The following SCARB1 variants were observed in gnomAD, a reference collection of about 807,000 sequenced individuals.
SCARB1 encodes scavenger receptor class B member 1.
A neutral mutation model predicts 57.2 loss-of-function variants in SCARB1; 30 were observed. That is an observed-to-expected ratio of 0.52 (90% CI 0.39 to 0.71). The LOEUF (loss-of-function observed/expected upper bound fraction) is 0.71. Ranked by LOEUF, SCARB1 falls within the 30% of genes least tolerant of loss-of-function variation. The pLI, the probability that SCARB1 is intolerant of heterozygous loss-of-function variation, is 0.00. For synonymous variants in SCARB1, 249 were observed against 268.3 expected, an observed-to-expected ratio of 0.93 and a Z score of 0.70; for missense variants, 543 against 671.2, an observed-to-expected ratio of 0.81 and a Z score of 2.11.
chr12:124,863,499 CG>C, intron 1 of SCARB1, 95 bp downstream of exon 1: 1 of 1,359,836 alleles, frequency 7.4e-7, no homozygotes, highest in Non-Finnish European at 1.0e-6. Context: ...GATTCCGCTG[CG>C]GTCGCCCACC....
At chr12:124,820,141 C>T (rs1950891754) in intron 1 of SCARB1, among the ~76,000 whole-genome samples, 1 of 152,148 alleles carries the variant, frequency 6.6e-6, no homozygotes, top group South Asian at 2.1e-4. Context: ...CTGAGCAGCC[C>T]ATAGGTGCAA....
chr12:124,795,624 G>A (rs941233217), intron 8 of SCARB1, among the ~76,000 whole-genome samples: 2 of 152,214 alleles, frequency 1.3e-5, no homozygotes, highest in African/African-American at 4.8e-5. Context: ...GTTTCCCAAA[G>A]TGCAGAATGG....
At chr12:124,803,105 A>G (rs1950191253) in intron 7 of SCARB1, among the ~76,000 whole-genome samples, 1 of 152,218 alleles carries the variant, frequency 6.6e-6, no homozygotes, top group Admixed American at 6.5e-5. Flanking sequence ...TGCACGGACC[A>G]GAAAAGGAGG....
Position 124,807,801 on chromosome 12 carries a change from G to T in SCARB1, c.969C>A (p.Cys323Ter). ...IYPPNEGFCP[C>*]LESGIQNVST... ...TGACGTTCTGAATTCCAGACTCCAG[G>T]CACGGGCAGAAGCCTTCGTTGGGTG... is the stretch of plus-strand genomic sequence containing the variant. Residue 323 changes from cysteine (C) to a stop codon, truncating the protein, a stop_gained, in exon 7 of 13, where the codon TGC (cysteine) becomes TGA (stop). Coordinates refer to ENST00000261693, the MANE Select transcript of SCARB1 (RefSeq NM_005505.5). LOFTEE classifies it high-confidence loss of function. This position sits in a 1 kb window ranked among gnomAD's most constrained non-coding sequence, Gnocchi z 5.3. 1 of 1,614,142 alleles carries T rather than the reference G, an allele frequency of 6.2e-7. No homozygotes were observed. The highest frequency in any genetic ancestry group is 8.5e-7 in the Non-Finnish European group (1 of 1,180,028).
intron 1 of SCARB1, chr12:124,839,193 C>T: frequency 2.2e-6 from 1 of 455,406 alleles, no homozygotes; most frequent in South Asian, 1.6e-5. Context: ...AAACCCTGTA[C>T]CCACTGAAAA....
intron 1 of SCARB1, among the ~76,000 whole-genome samples, chr12:124,862,911 A>T (rs1205462997): frequency 6.6e-6 from 1 of 152,208 alleles, no homozygotes; most frequent in Non-Finnish European, 1.5e-5. Flanking sequence ...GGCTGCGTGC[A>T]CTCAGAGGAC....
At chr12:124,825,729 A>C (rs1474511016) in intron 1 of SCARB1, among the ~76,000 whole-genome samples, 2 of 152,166 alleles carry the variant, frequency 1.3e-5, no homozygotes, top group Non-Finnish European at 2.9e-5. Context: ...GCTTCTGCAC[A>C]CGGTGGCTGC....
At chr12:124,798,217 C>T (rs1323583503) in intron 8 of SCARB1, among the ~76,000 whole-genome samples, 1 of 152,144 alleles carries the variant, frequency 6.6e-6, no homozygotes, top group Non-Finnish European at 1.5e-5. Context: ...TCCAGACCAG[C>T]TTGGTCAGGA....
At chr12:124,791,482 C>T (rs1051780285) in intron 9 of SCARB1, among the ~76,000 whole-genome samples, 1 of 152,066 alleles carries the variant, frequency 6.6e-6, no homozygotes, top group Non-Finnish European at 1.5e-5. Context: ...TAAAGTGCTT[C>T]GAAAATTACC....
chr12:124,861,893 CAT>C (rs1491507813), intron 1 of SCARB1, among the ~76,000 whole-genome samples: 75 of 151,820 alleles, frequency 4.9e-4, no homozygotes, highest in Non-Finnish European at 8.8e-4. Context: ...CACACACACA[CAT>C]CCTACTGACA....
chr12:124,800,532 C>T lies in SCARB1; in HGVS notation c.1010-290G>A, dbSNP rs191828431. ...AGCCAGGTGAAGGATGCCCGGGAAG[C>T]GCATTCCAGGTGGAAGGGAAGGCAG... is the stretch of plus-strand genomic sequence containing the variant. On this transcript the variant is annotated intron_variant, in intron 7 of 12. Transcript: ENST00000261693. The surrounding 1 kb of genome is among the most constrained non-coding windows in gnomAD (Gnocchi z 4.8). 5.9e-5 allele frequency among the ~76,000 whole-genome samples: 9 copies of T among 152,238 alleles called. No individual in the cohort carries two copies. Among genetic ancestry groups the T allele is most frequent in the Non-Finnish European group, 4.4e-5 (3 of 68,002 alleles).
At position 124,807,872 on chromosome 12, in the gene SCARB1, G is replaced by C; in HGVS notation, c.898C>G (p.Arg300Gly). ...AACAGGGTTTTGGGAGCCACGAAGC[G>C]ATAGGTGGGGATGCCTTCAAACACC... is the stretch of plus-strand genomic sequence containing the variant. ...SGVFEGIPTY[R>G]FVAPKTLFAN... The change falls in exon 7 of 13, where the codon CGC (arginine) becomes GGC (glycine). Residue 300 changes from arginine (R) to glycine (G), a missense_variant. Arg to Gly is a moderately radical substitution (Grantham distance 125, BLOSUM62 -2). Transcript: ENST00000261693. The surrounding 1 kb of genome is among the most constrained non-coding windows in gnomAD (Gnocchi z 5.3). 1 of 1,614,138 alleles carries C rather than the reference G, an allele frequency of 6.2e-7. No individual in the cohort carries two copies. The highest frequency in any genetic ancestry group is 8.5e-7 in the Non-Finnish European group (1 of 1,179,996).
chr12:124,817,855 G>A lies in SCARB1; in HGVS notation c.127-148C>T. The A allele has an allele frequency of 6.1e-6, 5 of 815,804 alleles. No individual in the cohort carries two copies. The highest frequency in any genetic ancestry group is 4.1e-5 in the South Asian group (3 of 72,996). The allele number at this position is 815,804 out of a possible 1,614,324, so 50.5% of individuals were successfully genotyped here. On this transcript the variant is annotated intron_variant, in intron 1 of 12. Coordinates refer to ENST00000261693, the MANE Select transcript of SCARB1 (RefSeq NM_005505.5). The surrounding 1 kb of genome is among the most constrained non-coding windows in gnomAD (Gnocchi z 4.8). ...ATAGGAGGTGGTGGGAAAGCCCTTC[G>A]CACATGAGGCTGTCGCACCTGGAGC...
At chr12:124,793,457 C>G (rs35207646) in intron 9 of SCARB1, among the ~76,000 whole-genome samples, 6,865 of 151,392 alleles carry the variant, frequency 0.045, 269 homozygotes, top group African/African-American at 0.1. Context: ...ACTTTGGGAG[C>G]CCGAGGCGGG....
In SCARB1 at chr12:124,777,851, G is replaced by C. The variant is rs1355456924; in HGVS notation, c.*736C>G. The stretch of plus-strand genomic sequence containing the variant: ...CGGGGGCACAGCCTGCGGCCACTTC[G>C]GCCAGAGAGTGGCCGGCTCAGTCCA... On this transcript the variant is annotated 3_prime_UTR_variant, in exon 13 of 13. Coordinates refer to ENST00000261693, the MANE Select transcript of SCARB1 (RefSeq NM_005505.5). 6.6e-6 allele frequency: 1 copy of C among 152,412 alleles called. No individual in the cohort carries two copies. The highest frequency in any genetic ancestry group is 2.1e-4 in the South Asian group (1 of 4,836). The allele number at this position is 152,412 out of a possible 1,614,324, so 9.4% of individuals were successfully genotyped here.
chr12:124,793,320 C>A (rs1406301366), intron 9 of SCARB1, among the ~76,000 whole-genome samples: 4 of 152,160 alleles, frequency 2.6e-5, no homozygotes, highest in African/African-American at 9.7e-5. Flanking sequence ...TAATCCCTCA[C>A]CAAGTTCTAG....
intron 9 of SCARB1, among the ~76,000 whole-genome samples, chr12:124,792,637 G>A (rs550139259): frequency 5.3e-4 from 79 of 149,690 alleles, no homozygotes; most frequent in Middle Eastern, 3.5e-3. Flanking sequence ...CAGGAGAATC[G>A]CTGGAACCCG....
At chr12:124,857,753 G>T (rs1473802285) in intron 1 of SCARB1, among the ~76,000 whole-genome samples, 1 of 152,200 alleles carries the variant, frequency 6.6e-6, no homozygotes, top group Non-Finnish European at 1.5e-5. Context: ...ATTGAGACAG[G>T]GATCATAGGT....
intron 1 of SCARB1, among the ~76,000 whole-genome samples, chr12:124,855,463 C>T (rs1382633372): frequency 6.6e-6 from 1 of 152,186 alleles, no homozygotes; most frequent in East Asian, 1.9e-4. Flanking sequence ...AAGAACGCAG[C>T]TTTTTGTGTT....
Sources: gnomAD v4.1 joint callset for allele counts (sites outside exome capture counted in the v4.1 genomes callset) on GRCh38, gnomAD v4.1.1 for gene constraint, Gnocchi (gnomAD v3.1) non-coding constraint, MANE v1.5 for transcripts, NCBI Gene and HGNC (gene_info 2026-07-23, HGNC 2026-07-21) for gene names.